The following ENTREP2 variants were observed in gnomAD, a reference collection of about 807,000 sequenced individuals.
ENTREP2 encodes protein ENTREP2.
chr15:29,302,997 G>A, the ENTREP2 span, among the ~76,000 whole-genome samples: 2 of 152,090 alleles, frequency 1.3e-5, no homozygotes, highest in Non-Finnish European at 2.9e-5. Flanking sequence ...GACCAACTCT[G>A]CATTACCCAG....
chr15:29,269,559 G>C, the ENTREP2 span: 1 of 1,523,600 alleles, frequency 6.6e-7, no homozygotes, highest in Non-Finnish European at 8.8e-7. Flanking sequence ...CGCGGGACGT[G>C]CTCGGGGCCT....
the ENTREP2 span, among the ~76,000 whole-genome samples, chr15:29,170,692 C>T: frequency 1.4e-4 from 22 of 152,274 alleles, no homozygotes; most frequent in African/African-American, 5.3e-4. Context: ...CATGTGAGGA[C>T]ACAGTGACAA....
At chr15:29,167,684 T>A in the ENTREP2 span, among the ~76,000 whole-genome samples, 2 of 152,180 alleles carry the variant, frequency 1.3e-5, no homozygotes, top group Non-Finnish European at 2.9e-5. Flanking sequence ...TTGACATGGA[T>A]GTGGTGAACA....
chr15:29,554,281 C>T, the ENTREP2 span, among the ~76,000 whole-genome samples: 2 of 149,532 alleles, frequency 1.3e-5, no homozygotes, highest in Admixed American at 6.7e-5. Flanking sequence ...CACCACTGCA[C>T]TCCAGCCTGG....
the ENTREP2 span, among the ~76,000 whole-genome samples, chr15:29,578,204 C>T: frequency 6.6e-5 from 10 of 152,050 alleles, no homozygotes; most frequent in Admixed American, 6.5e-4. Context: ...GAAATTGAAA[C>T]ACTTGTAGGT....
the ENTREP2 span, among the ~76,000 whole-genome samples, chr15:29,332,568 GAAGC>G: frequency 1.3e-4 from 20 of 152,302 alleles, no homozygotes; most frequent in African/African-American, 4.6e-4. Context: ...ACCGTGGTAA[GAAGC>G]AAGCATGCTA....
At chr15:29,425,996 T>C in the ENTREP2 span, among the ~76,000 whole-genome samples, 1 of 150,076 alleles carries the variant, frequency 6.7e-6, no homozygotes, top group African/African-American at 2.4e-5. Flanking sequence ...ATTAAATTTA[T>C]ATAATTCTAT....
chr15:29,618,788 G>A, the ENTREP2 span, among the ~76,000 whole-genome samples: 1 of 152,156 alleles, frequency 6.6e-6, no homozygotes, highest in African/African-American at 2.4e-5. Flanking sequence ...CCACCCCAGG[G>A]TGGCAGCACC....
At chr15:29,478,150 G>A in the ENTREP2 span, among the ~76,000 whole-genome samples, 2 of 148,332 alleles carry the variant, frequency 1.3e-5, no homozygotes, top group South Asian at 2.2e-4. Flanking sequence ...TCAGCCTCCC[G>A]AGTAGCTGGG....
chr15:29,382,563 A>C, the ENTREP2 span, among the ~76,000 whole-genome samples: 6 of 152,210 alleles, frequency 3.9e-5, no homozygotes, highest in African/African-American at 1.4e-4. Context: ...CTCCTTTCCC[A>C]GGCCAAGTCC....
the ENTREP2 span, among the ~76,000 whole-genome samples, chr15:29,338,858 T>G: frequency 6.6e-6 from 1 of 151,986 alleles, no homozygotes; most frequent in East Asian, 1.9e-4. Context: ...CATTTAAAAT[T>G]TACATCATAC....
chr15:29,410,629 G>C, the ENTREP2 span, among the ~76,000 whole-genome samples: 3 of 152,156 alleles, frequency 2.0e-5, no homozygotes, highest in African/African-American at 7.2e-5. Flanking sequence ...GCAAACAAGA[G>C]AGATTCCTGC....
chr15:29,254,544 A>T, the ENTREP2 span, among the ~76,000 whole-genome samples: 9 of 151,978 alleles, frequency 5.9e-5, no homozygotes, highest in Non-Finnish European at 1.2e-4. Flanking sequence ...ATAGTCTTTG[A>T]CACATGTCTA....
At chr15:29,193,764 A>G in the ENTREP2 span, among the ~76,000 whole-genome samples, 1 of 152,258 alleles carries the variant, frequency 6.6e-6, no homozygotes, top group Non-Finnish European at 1.5e-5. Flanking sequence ...AGAATCTGCA[A>G]AAGAGCTACC....
chr15:29,615,759 G>C, the ENTREP2 span, among the ~76,000 whole-genome samples: 196 of 152,250 alleles, frequency 1.3e-3, no homozygotes, highest in Non-Finnish European at 2.6e-3. Context: ...GGTTGAACTT[G>C]CTGCTTTTTC....
chr15:29,356,497 G>C, the ENTREP2 span, among the ~76,000 whole-genome samples: 2 of 150,890 alleles, frequency 1.3e-5, no homozygotes, highest in Non-Finnish European at 3.0e-5. Context: ...AGTAGAGACG[G>C]GGTTTCACTG....
the ENTREP2 span, among the ~76,000 whole-genome samples, chr15:29,411,402 G>A: frequency 6.6e-6 from 1 of 152,000 alleles, no homozygotes; most frequent in African/African-American, 2.4e-5. Flanking sequence ...AGGTGTAAAC[G>A]ATTTCTCTCC....
At chr15:29,302,224 C>T in the ENTREP2 span, among the ~76,000 whole-genome samples, 1 of 152,052 alleles carries the variant, frequency 6.6e-6, no homozygotes, top group Admixed American at 6.5e-5. Flanking sequence ...AAAACCAAAA[C>T]TATTCTGAAA....
At chr15:29,674,029 T>C in the ENTREP2 span, among the ~76,000 whole-genome samples, 1 of 150,764 alleles carries the variant, frequency 6.6e-6, no homozygotes, top group Non-Finnish European at 1.5e-5. Flanking sequence ...CCCATTTCTC[T>C]AGTGGATCAG....
Sources: gnomAD v4.1 joint callset for allele counts (sites outside exome capture counted in the v4.1 genomes callset) on GRCh38, gnomAD v4.1.1 for gene constraint, MANE v1.5 for transcripts, NCBI Gene and HGNC (gene_info 2026-07-23, HGNC 2026-07-21) for gene names.